The following ACVR2B variants were observed in gnomAD, a reference collection of about 807,000 sequenced individuals.
ACVR2B encodes the protein activin receptor type-2B.
Under a neutral mutation model 65.1 loss-of-function variants are expected in ACVR2B, and 18 were observed. The observed-to-expected ratio is 0.28, with a 90% CI of 0.19 to 0.41. ACVR2B has a LOEUF of 0.41. Ranked by LOEUF, ACVR2B falls within the 10% of genes least tolerant of loss-of-function variation. The pLI is 1.00. For synonymous variants in ACVR2B, 298 were observed against 277.7 expected (o/e 1.07, Z -0.73); for missense variants, 482 against 682.7 (o/e 0.71, Z 3.28).
chr3:38,481,232 TA>T lies in ACVR2B; in HGVS notation c.960-118del. ...TGCTGCTTCACCTCTGCACCCCAGG[TA>T]GGGTGGGATGGCCTGGTCTGGGGCC... On this transcript the variant is annotated intron_variant, in intron 7 of 10. Transcript: ENST00000352511. This position sits in a 1 kb window ranked among gnomAD's most constrained non-coding sequence, Gnocchi z 4.7. 1 of 844,068 alleles carries T rather than the reference TA, an allele frequency of 1.2e-6. No individual in the cohort carries two copies. Among genetic ancestry groups the T allele is most frequent in the East Asian group, 2.5e-5 (1 of 40,738 alleles). 52.3% of individuals were successfully genotyped at this position (844,068 alleles called of 1,614,324 possible).
At chr3:38,459,527 T>C in intron 1 of ACVR2B, 1 of 959,576 alleles carries the variant, frequency 1.0e-6, no homozygotes, top group Non-Finnish European at 1.2e-6. Flanking sequence ...GAGCTAAGGC[T>C]AGCCCTGTCT....
In ACVR2B at chr3:38,492,770, AC is replaced by A. The variant is rs2059821226; in HGVS notation, c.*9439del. Reference sequence around the variant, plus strand: ...CACACACACACACACACACACACACACACACACACACACACACACACACACA... The same window carrying A: ...CACACACACACACACACACACACACAACACACACACACACACACACACACA... On this transcript the variant is annotated 3_prime_UTR_variant, in exon 11 of 11. Transcript: ENST00000352511. The A allele has an allele frequency of 8.2e-6, 1 of 122,622 alleles. No individual in the cohort carries two copies. Among genetic ancestry groups the A allele is most frequent in the Non-Finnish European group, 1.9e-5 (1 of 52,460 alleles). 7.6% of individuals were successfully genotyped at this position (122,622 alleles called of 1,614,324 possible). A position where few individuals can be genotyped will look rare whatever the true frequency, so the allele number is the denominator to read the frequency against.
At position 38,479,165 on chromosome 3, in the gene ACVR2B, G is replaced by A; in HGVS notation, c.704G>A (p.Ser235Asn). 6.2e-7 allele frequency: 1 copy of A among 1,614,174 alleles called. No homozygotes were observed. Among genetic ancestry groups the A allele is most frequent in the African/African-American group, 1.3e-5 (1 of 75,044 alleles). ...TGGCAGAGTGAACGGGAGATCTTCA[G>A]CACACCTGGCATGAAGCACGAGAAC... is the stretch of plus-strand genomic sequence containing the variant. Reference protein sequence around the residue: ...QSWQSEREIFSTPGMKHENLL... With the variant: ...QSWQSEREIFNTPGMKHENLL... The change falls in exon 6 of 11, where the codon AGC becomes AAC. Residue 235 changes from serine to asparagine, a missense_variant. Transcript: ENST00000352511.
In ACVR2B at chr3:38,474,229, G is replaced by A. The variant is rs545350275; in HGVS notation, c.53-3058G>A. The A allele has an allele frequency of 2.6e-5, 4 of 152,606 alleles. No homozygotes were observed. In the South Asian group the frequency reaches 8.3e-4, roughly 32 times the overall value. 9.5% of individuals were successfully genotyped at this position (152,606 alleles called of 1,614,324 possible). ...GGTCCTCTGAGATTTGGAACTCCCA[G>A]CCTCTTCACTTGGGTACTGCCCATG... On this transcript the variant is annotated intron_variant, in intron 1 of 10. Transcript: ENST00000352511.
intron 1 of ACVR2B, among the ~76,000 whole-genome samples, chr3:38,472,912 AACCTCCCAGTATTTG>A (rs530371232): frequency 1.8e-4 from 28 of 152,320 alleles, no homozygotes; most frequent in Admixed American, 1.8e-3. Context: ...AGGAGAAACG[AACCTCCCAGTATTTG>A]ACCTCCCAGT....
chr3:38,491,810 G>C lies in ACVR2B; in HGVS notation c.*8478G>C, dbSNP rs146054746. On this transcript the variant is annotated 3_prime_UTR_variant, in exon 11 of 11. Coordinates refer to ENST00000352511, the MANE Select transcript of ACVR2B (RefSeq NM_001106.4). ...TGTAAAAATGCAGAGAAAGTTGAGT[G>C]GTACTTCAGAATTGAGGGAGAGGGT... The C allele has an allele frequency of 5.9e-5, 9 of 152,226 alleles. No individual in the cohort carries two copies. The highest frequency in any genetic ancestry group is 2.2e-4 in the African/African-American group (9 of 41,518). 9.4% of individuals were successfully genotyped at this position (152,226 alleles called of 1,614,324 possible).
chr3:38,462,583 A>G (rs1349984865), intron 1 of ACVR2B, among the ~76,000 whole-genome samples: 1 of 152,226 alleles, frequency 6.6e-6, no homozygotes, highest in Non-Finnish European at 1.5e-5. Context: ...CATGTTTGTG[A>G]CTTTAAGCTA....
At chr3:38,462,501 T>G (rs1303814731) in intron 1 of ACVR2B, among the ~76,000 whole-genome samples, 1 of 152,198 alleles carries the variant, frequency 6.6e-6, no homozygotes, top group East Asian at 1.9e-4. Flanking sequence ...ATAAAATAGT[T>G]TCATCTGTTT....
Position 38,490,445 on chromosome 3 carries a change from T to G in ACVR2B, c.*7113T>G, listed in dbSNP as rs1710191895. 6.6e-6 allele frequency: 1 copy of G among 152,616 alleles called. No individual in the cohort carries two copies. Among genetic ancestry groups the G allele is most frequent in the South Asian group, 2.1e-4 (1 of 4,828 alleles). 9.5% of individuals were successfully genotyped at this position (152,616 alleles called of 1,614,324 possible). A position where few individuals can be genotyped will look rare whatever the true frequency, so the allele number is the denominator to read the frequency against. On this transcript the variant is annotated 3_prime_UTR_variant, in exon 11 of 11. Transcript: ENST00000352511. ...ATAAATTTAGTTCCAGCAGATCTAG[T>G]AGCACTCCAGAAACCAACCCCATCT...
Position 38,488,732 on chromosome 3 carries a change from A to G in ACVR2B, c.*5400A>G, listed in dbSNP as rs1710163800. The G allele has an allele frequency of 6.6e-6, 1 of 152,174 alleles. No homozygotes were observed. Among genetic ancestry groups the G allele is most frequent in the Admixed American group, 6.5e-5 (1 of 15,278 alleles). 9.4% of individuals were successfully genotyped at this position (152,174 alleles called of 1,614,324 possible). On this transcript the variant is annotated 3_prime_UTR_variant, in exon 11 of 11. Transcript: ENST00000352511. ...AACCAGTGATACTTTATTTGCTCCT[A>G]TGGCAGCTCATAGAGGTAACCGAAG...
chr3:38,460,494 C>G (rs1300266190), intron 1 of ACVR2B, among the ~76,000 whole-genome samples: 2 of 152,228 alleles, frequency 1.3e-5, no homozygotes, highest in Admixed American at 6.5e-5. Flanking sequence ...CATGTCTCTT[C>G]CCGGCCCAGG....
intron 1 of ACVR2B, among the ~76,000 whole-genome samples, chr3:38,461,792 A>G (rs1709651851): frequency 6.6e-6 from 1 of 152,224 alleles, no homozygotes; most frequent in African/African-American, 2.4e-5. Context: ...TCCTTTTATC[A>G]CTTCTGTTCC....
Position 38,478,155 on chromosome 3 carries a change from C to T in ACVR2B, c.385C>T (p.Pro129Ser), listed in dbSNP as rs1388827960. The T allele has an allele frequency of 3.7e-6, 6 of 1,611,856 alleles. 1 individual carries two copies. The South Asian group carries it at 6.6e-5, about 18-fold the overall frequency. Reference sequence around the variant, plus strand: ...GTGTCCCCCAGTCACGTACGAGCCACCCCCGACAGCCCCCACCCTGCTCAC... The same window carrying T: ...GTGTCCCCCAGTCACGTACGAGCCATCCCCGACAGCCCCCACCCTGCTCAC... ...AGGPEVTYEP[P>S]PTAPTLLTVL... The change falls in exon 4 of 11, where the codon CCC becomes TCC. Residue 129 changes from proline (P) to serine (S), a missense_variant. Coordinates refer to ENST00000352511, the MANE Select transcript of ACVR2B (RefSeq NM_001106.4).
At position 38,482,520 on chromosome 3, in the gene ACVR2B, A is replaced by G; in HGVS notation, c.1304A>G (p.Lys435Arg). The change falls in exon 10 of 11, where the codon AAG becomes AGG. Residue 435 changes from lysine (K) to arginine (R), a missense_variant. This residue lies in a region of ACVR2B where 223 missense variants were observed against 386.3 expected (regional missense o/e 0.58). Transcript: ENST00000352511. The stretch of plus-strand genomic sequence containing the variant: ...CTGCAGGAGGTGGTGGTGCACAAGA[A>G]GATGAGGCCCACCATTAAAGATCAC... Reference protein sequence around the residue: ...EELQEVVVHKKMRPTIKDHWL... With the variant: ...EELQEVVVHKRMRPTIKDHWL... 1 of 1,612,062 alleles carries G rather than the reference A, an allele frequency of 6.2e-7. No homozygotes were observed.
In ACVR2B at chr3:38,477,669, A is replaced by G. The variant is rs912481331; in HGVS notation, c.260+175A>G. 9.2e-5 allele frequency among the ~76,000 whole-genome samples: 14 copies of G among 152,096 alleles called. No homozygotes were observed. Among genetic ancestry groups the G allele is most frequent in the African/African-American group, 3.4e-4 (14 of 41,416 alleles). ...CCCTATTTGTCCTACCTTAGCCCTG[A>G]GGAGGGGTCTCAGTGTCAACCCCTG... On this transcript the variant is annotated intron_variant, in intron 2 of 10. Coordinates refer to ENST00000352511, the MANE Select transcript of ACVR2B (RefSeq NM_001106.4). The surrounding 1 kb of genome is among the most constrained non-coding windows in gnomAD (Gnocchi z 6.7).
intron 1 of ACVR2B, chr3:38,459,686 A>G (rs115028961): frequency 0.014 from 13,856 of 984,924 alleles, 113 homozygotes; most frequent in Middle Eastern, 0.015. Context: ...GCCTCTCCCC[A>G]AAGGTATGGG....
rs2059825804 is a variant in ACVR2B at position 38,493,046 on chromosome 3, G to A, written c.*9714G>A. ...TGTGAATGTAGTTTTTTCCCCCTGTGTGAAGAAGCAGTTACACCCCAACAA... is the reference window on the plus strand; with the variant it reads ...TGTGAATGTAGTTTTTTCCCCCTGTATGAAGAAGCAGTTACACCCCAACAA... On this transcript the variant is annotated 3_prime_UTR_variant, in exon 11 of 11. Coordinates refer to ENST00000352511, the MANE Select transcript of ACVR2B (RefSeq NM_001106.4). 3 of 152,552 alleles carry A rather than the reference G, an allele frequency of 2.0e-5. No homozygotes were observed. The highest frequency in any genetic ancestry group is 4.4e-5 in the Non-Finnish European group (3 of 68,014). 9.4% of individuals were successfully genotyped at this position (152,552 alleles called of 1,614,324 possible).
rs567035420 is a variant in ACVR2B at position 38,481,059 on chromosome 3, G to C, written c.960-292G>C. 1.3e-5 allele frequency among the ~76,000 whole-genome samples: 2 copies of C among 152,344 alleles called. No individual in the cohort carries two copies. Among genetic ancestry groups the C allele is most frequent in the Admixed American group, 1.3e-4 (2 of 15,304 alleles). The stretch of plus-strand genomic sequence containing the variant: ...GTCCACAACCCCTCTGAGAATATAT[G>C]GGCTGGCCTTTGATAGTGTGGGGAC... On this transcript the variant is annotated intron_variant, in intron 7 of 10. Transcript: ENST00000352511. The surrounding 1 kb of genome is among the most constrained non-coding windows in gnomAD (Gnocchi z 4.7).
At position 38,490,000 on chromosome 3, in the gene ACVR2B, G is replaced by A. The variant is rs1710185133; in HGVS notation, c.*6668G>A. ...CTTCAATCTGTGGAATCAGCCAGGA[G>A]CCCAGTGAGGAAGCTCAGAACCCCA... On this transcript the variant is annotated 3_prime_UTR_variant, in exon 11 of 11. Transcript: ENST00000352511. 1.3e-5 allele frequency: 2 copies of A among 152,210 alleles called. No individual in the cohort carries two copies. The highest frequency in any genetic ancestry group is 4.8e-5 in the African/African-American group (2 of 41,440). The allele number at this position is 152,210 out of a possible 1,614,324, so 9.4% of individuals were successfully genotyped here. A position where few individuals can be genotyped will look rare whatever the true frequency, so the allele number is the denominator to read the frequency against.
Sources: allele counts gnomAD v4.1 joint callset (sites outside exome capture counted in the v4.1 genomes callset), GRCh38; gene constraint gnomAD v4.1.1; regional missense constraint gnomAD v4.1.1; non-coding constraint Gnocchi (gnomAD v3.1); transcripts MANE v1.5; gene names NCBI Gene and HGNC (gene_info 2026-07-23, HGNC 2026-07-21).